Variants in PTPRN2 observed in about 807,000 individuals in gnomAD.
The protein encoded by PTPRN2 is receptor-type tyrosine-protein phosphatase N2.
A neutral mutation model predicts 118.8 loss-of-function variants in PTPRN2; 74 were observed. The observed-to-expected ratio is 0.62, with a 90% CI of 0.52 to 0.76. The LOEUF (loss-of-function observed/expected upper bound fraction) is 0.76. Among genes scored for constraint, PTPRN2 ranks in the 30% least tolerant of loss-of-function variants. PTPRN2 has a pLI of 0.00. For missense variants in PTPRN2, 1,481 were observed against 1,394.4 expected, an observed-to-expected ratio of 1.06 and a Z score of -0.99; for synonymous variants, 641 against 608.0, an observed-to-expected ratio of 1.05 and a Z score of -0.80.
chr7:157,770,888 G>A (rs1374338223), intron 12 of PTPRN2, among the ~76,000 whole-genome samples: 3 of 151,860 alleles, frequency 2.0e-5, no homozygotes. Flanking sequence ...GGCCAGTTGA[G>A]GCAGCAGAAT....
intron 4 of PTPRN2, among the ~76,000 whole-genome samples, chr7:158,194,112 C>T (rs943821394): frequency 3.3e-5 from 5 of 150,350 alleles, no homozygotes; most frequent in Admixed American, 1.3e-4. Context: ...AGTGTGTGCA[C>T]GCGCGCGCAT....
At chr7:157,973,636 G>T (rs527621230) in intron 11 of PTPRN2, among the ~76,000 whole-genome samples, 4 of 152,346 alleles carry the variant, frequency 2.6e-5, no homozygotes, top group Admixed American at 2.6e-4. Context: ...GGCCTCACTG[G>T]ATTAGATGGC....
chr7:158,192,542 C>T (rs766054254), intron 4 of PTPRN2, 47 bp from the exon 5 acceptor site: 19 of 1,546,522 alleles, frequency 1.2e-5, no homozygotes, highest in South Asian at 2.4e-5. Context: ...TTTGCTGGTG[C>T]CTGGAGCTGC....
intron 11 of PTPRN2, among the ~76,000 whole-genome samples, chr7:157,938,328 G>A (rs1321259281): frequency 1.3e-5 from 2 of 152,252 alleles, no homozygotes; most frequent in Non-Finnish European, 2.9e-5. Context: ...AGCTGCACAT[G>A]CCTGCAGTGT....
intron 11 of PTPRN2, among the ~76,000 whole-genome samples, chr7:158,065,287 G>A (rs1368344530): frequency 6.6e-6 from 1 of 152,190 alleles, no homozygotes; most frequent in Non-Finnish European, 1.5e-5. Context: ...AGCAGCTTCA[G>A]GTGAGTTTTC....
chr7:157,791,565 T>A (rs1350724358), intron 12 of PTPRN2, among the ~76,000 whole-genome samples: 2 of 79,580 alleles, frequency 2.5e-5, no homozygotes, highest in Admixed American at 2.4e-4. Context: ...CCCCCCTCCC[T>A]GCACCCGCCC....
At chr7:158,113,384 A>G (rs1481816459) in intron 9 of PTPRN2, among the ~76,000 whole-genome samples, 1 of 152,156 alleles carries the variant, frequency 6.6e-6, no homozygotes, top group Non-Finnish European at 1.5e-5. Flanking sequence ...AAGCTGGAAG[A>G]CGTCTAGGAT....
intron 21 of PTPRN2, among the ~76,000 whole-genome samples, chr7:157,559,945 G>A (rs1488512982): frequency 6.6e-6 from 1 of 152,168 alleles, no homozygotes; most frequent in South Asian, 2.1e-4. Flanking sequence ...CCCTAAATGT[G>A]TGCCAGCAAG....
intron 12 of PTPRN2, among the ~76,000 whole-genome samples, chr7:157,769,869 G>T (rs535613304): frequency 6.6e-6 from 1 of 152,146 alleles, no homozygotes; most frequent in South Asian, 2.1e-4. Context: ...CCTGCCACCC[G>T]CCCCTTTGCA....
intron 11 of PTPRN2, among the ~76,000 whole-genome samples, chr7:157,914,349 C>T (rs1798276665): frequency 6.6e-6 from 1 of 152,116 alleles, no homozygotes; most frequent in South Asian, 2.1e-4. Flanking sequence ...TGGTGTCTTA[C>T]ATCAGTGGTG....
intron 1 of PTPRN2, among the ~76,000 whole-genome samples, chr7:158,500,062 GA>G (rs1203774392): frequency 7.0e-6 from 1 of 143,760 alleles, no homozygotes; most frequent in African/African-American, 2.5e-5. Flanking sequence ...GGTTTATTTT[GA>G]AAACTTTATT....
intron 12 of PTPRN2, among the ~76,000 whole-genome samples, chr7:157,683,589 A>AT (rs909232830): frequency 6.6e-6 from 1 of 151,692 alleles, no homozygotes; most frequent in Non-Finnish European, 1.5e-5. Context: ...GCACCTACGT[A>AT]TTTTTCCTTG....
intron 3 of PTPRN2, among the ~76,000 whole-genome samples, chr7:158,280,402 G>C (rs950352060): frequency 2.0e-5 from 3 of 152,210 alleles, no homozygotes; most frequent in African/African-American, 7.2e-5. Context: ...GGGAGGGACA[G>C]CGACGAGGGC....
intron 12 of PTPRN2, among the ~76,000 whole-genome samples, chr7:157,792,651 G>T (rs1309790610): frequency 6.6e-6 from 1 of 152,190 alleles, no homozygotes; most frequent in Non-Finnish European, 1.5e-5. Context: ...AGCGAATGAG[G>T]AAAGCAGGCT....
chr7:157,542,156 C>T (rs775607540), intron 22 of PTPRN2, among the ~76,000 whole-genome samples: 59 of 152,224 alleles, frequency 3.9e-4, no homozygotes, highest in South Asian at 1.2e-3. Flanking sequence ...CGGGCTGTGC[C>T]GGGAAGGTCC....
chr7:158,210,129 A>T (rs1035700131), intron 3 of PTPRN2, among the ~76,000 whole-genome samples: 3 of 128,674 alleles, frequency 2.3e-5, no homozygotes, highest in African/African-American at 6.6e-5. Flanking sequence ...CTAATGATGC[A>T]TCTTTTTTTT....
At chr7:158,216,196 T>C (rs1827942576) in intron 3 of PTPRN2, among the ~76,000 whole-genome samples, 1 of 152,034 alleles carries the variant, frequency 6.6e-6, no homozygotes, top group African/African-American at 2.4e-5. Flanking sequence ...GAATATTATA[T>C]CTAGAACAAT....
At chr7:157,700,433 G>A (rs1468637242) in intron 12 of PTPRN2, among the ~76,000 whole-genome samples, 1 of 152,184 alleles carries the variant, frequency 6.6e-6, no homozygotes, top group African/African-American at 2.4e-5. Context: ...CAGTTTCCAT[G>A]ACGACAGCCT....
chr7:158,115,022 G>C (rs1036783232), intron 9 of PTPRN2, among the ~76,000 whole-genome samples: 1 of 152,078 alleles, frequency 6.6e-6, no homozygotes, highest in African/African-American at 2.4e-5. Flanking sequence ...CAGGGCCTAG[G>C]CAAGGGCACT....
Sources: gnomAD v4.1 joint callset for allele counts (sites outside exome capture counted in the v4.1 genomes callset) on GRCh38, gnomAD v4.1.1 for gene constraint, MANE v1.5 for transcripts, NCBI Gene and HGNC (gene_info 2026-07-23, HGNC 2026-07-21) for gene names.